Variants in SDK2 observed in about 807,000 individuals in gnomAD.
The protein encoded by SDK2 is protein sidekick-2.
Under a neutral mutation model 253.9 loss-of-function variants are expected in SDK2, and 105 were observed. The observed-to-expected ratio is 0.41, with a 90% CI of 0.35 to 0.49. The LOEUF is 0.49. SDK2 is among the 20% of genes least tolerant of loss of function. SDK2 has a pLI of 0.06. For synonymous variants in SDK2, 1,249 were observed against 1,234.9 expected (o/e 1.01, Z -0.24); for missense variants, 2,608 against 3,003.0 (o/e 0.87, Z 3.07).
intron 1 of SDK2, among the ~76,000 whole-genome samples, chr17:73,589,521 C>A (rs1264194448): frequency 2.6e-5 from 4 of 152,212 alleles, no homozygotes; most frequent in South Asian, 4.1e-4. Context: ...TGAAGCTTGG[C>A]CAAGCTGCTT....
At chr17:73,381,414 CAA>C (rs879356942) in intron 33 of SDK2, among the ~76,000 whole-genome samples, 4 of 137,906 alleles carry the variant, frequency 2.9e-5, no homozygotes, top group Admixed American at 7.3e-5. Context: ...CACATATGGG[CAA>C]AAAAAAAAAG....
At chr17:73,441,348 C>T (rs1055668902) in intron 5 of SDK2, among the ~76,000 whole-genome samples, 59 of 152,274 alleles carry the variant, frequency 3.9e-4, no homozygotes, top group Middle Eastern at 3.4e-3. Flanking sequence ...CGGCCCCCTC[C>T]CCCAACACAC....
rs115054273 is a variant in SDK2 at position 73,634,848 on chromosome 17, C to G, written c.64+9177G>C. Among the ~76,000 whole-genome samples, 849 of 152,324 alleles carry G rather than the reference C, an allele frequency of 5.6e-3. 8 individuals carry two copies. Among genetic ancestry groups the G allele is most frequent in the African/African-American group, 0.019 (805 of 41,568 alleles). On this transcript the variant is annotated intron_variant, in intron 1 of 44. Transcript: ENST00000392650. ...AAAGCTTAGCACAGCTCGTTAAACC[C>G]TGTCACAACCCAACTGTTATCCTCG...
chr17:73,387,832 T>A lies in SDK2; in HGVS notation c.4394+4A>T. ...GGGGATGCTGGCATGGACCCGAGCC[T>A]TACCTGTCCACAATGAAGCTGGAGG... On this transcript the variant is annotated splice_donor_region_variant and intron_variant, in intron 30 of 44. Transcript: ENST00000392650. The A allele has an allele frequency of 6.4e-7, 1 of 1,563,164 alleles. No homozygotes were observed. Among genetic ancestry groups the A allele is most frequent in the East Asian group, 2.4e-5 (1 of 42,274 alleles).
chr17:73,374,454 T>C (rs1481386210), intron 36 of SDK2, among the ~76,000 whole-genome samples: 2 of 140,952 alleles, frequency 1.4e-5, no homozygotes, highest in Non-Finnish European at 3.0e-5. Context: ...TCCCATTCCA[T>C]GTTCGATTTG....
chr17:73,383,755 TGGA>T lies in SDK2; in HGVS notation c.4705+118_4705+120del, dbSNP rs1484711768. On this transcript the variant is annotated intron_variant, in intron 33 of 44. Transcript: ENST00000392650. This position sits in a 1 kb window ranked among gnomAD's most constrained non-coding sequence, Gnocchi z 4.3. ...GGATGGGAGGAGGGAGAGGCACACA[TGGA>T]GGAGGGAGGCAAGGTTTCAGGTTAG... 6.4e-5 allele frequency: 76 copies of T among 1,186,716 alleles called. No individual in the cohort carries two copies. The highest frequency in any genetic ancestry group is 8.6e-5 in the Non-Finnish European group (71 of 826,116). The allele number at this position is 1,186,716 out of a possible 1,614,324, so 73.5% of individuals were successfully genotyped here.
intron 1 of SDK2, among the ~76,000 whole-genome samples, chr17:73,584,068 C>T (rs2045571891): frequency 6.6e-6 from 1 of 152,246 alleles, no homozygotes; most frequent in Non-Finnish European, 1.5e-5. Context: ...ACAAGGCCTT[C>T]TCTAGCAGTA....
chr17:73,540,651 T>C (rs2044854496), intron 1 of SDK2, among the ~76,000 whole-genome samples: 2 of 152,226 alleles, frequency 1.3e-5, no homozygotes, highest in South Asian at 4.1e-4. Flanking sequence ...GCTATGTCAC[T>C]TGCTTTCACC....
chr17:73,365,162 A>C, intron 38 of SDK2, 96 bp downstream of exon 38: 1 of 886,508 alleles, frequency 1.1e-6, no homozygotes, highest in Non-Finnish European at 1.6e-6. Flanking sequence ...CTCTCACCGA[A>C]TCTCACTCAT....
intron 1 of SDK2, among the ~76,000 whole-genome samples, chr17:73,602,949 T>C (rs2143069494): frequency 6.6e-6 from 1 of 152,230 alleles, no homozygotes; most frequent in Admixed American, 6.5e-5. Context: ...GGTCTCAAAC[T>C]CCTGACCTCA....
intron 1 of SDK2, among the ~76,000 whole-genome samples, chr17:73,614,901 A>G (rs973028768): frequency 3.9e-5 from 6 of 151,912 alleles, no homozygotes; most frequent in Admixed American, 3.9e-4. Flanking sequence ...GGGTGACAGC[A>G]TGGTTAGAAG....
chr17:73,621,686 A>G (rs1188909314), intron 1 of SDK2, among the ~76,000 whole-genome samples: 3 of 152,064 alleles, frequency 2.0e-5, no homozygotes, highest in Non-Finnish European at 2.9e-5. Context: ...AATTCACTGG[A>G]TGGGCTTAAC....
At chr17:73,488,396 G>A (rs1464006298) in intron 2 of SDK2, among the ~76,000 whole-genome samples, 1 of 152,202 alleles carries the variant, frequency 6.6e-6, no homozygotes, top group Non-Finnish European at 1.5e-5. Flanking sequence ...GTTCCACTGC[G>A]ATTGATATAT....
At position 73,501,119 on chromosome 17, in the gene SDK2, GC is replaced by G. The variant is rs547449075; in HGVS notation, c.224+6318del. 2.3e-3 allele frequency among the ~76,000 whole-genome samples: 356 copies of G among 152,288 alleles called. 2 individuals carry two copies. Among genetic ancestry groups the G allele is most frequent in the African/African-American group, 8.2e-3 (342 of 41,556 alleles). On this transcript the variant is annotated intron_variant, in intron 2 of 44. Transcript: ENST00000392650. ...AACACTAGAGGGCCTGACCTCTAGG[GC>G]TTTTATGTGAGTTGCACACACACCT...
intron 1 of SDK2, among the ~76,000 whole-genome samples, chr17:73,538,811 C>T (rs1414586322): frequency 2.0e-5 from 3 of 152,196 alleles, no homozygotes; most frequent in Admixed American, 6.5e-5. Flanking sequence ...GGAGTCCCAC[C>T]TTGGCCTCAG....
At chr17:73,526,351 A>AGG (rs1243107954) in intron 1 of SDK2, among the ~76,000 whole-genome samples, 22 of 152,304 alleles carry the variant, frequency 1.4e-4, no homozygotes, top group African/African-American at 5.3e-4. Context: ...TGGCTTTGCC[A>AGG]ATTAGGACCT....
intron 39 of SDK2, among the ~76,000 whole-genome samples, chr17:73,359,505 G>A (rs2062623221): frequency 6.6e-6 from 1 of 152,182 alleles, no homozygotes; most frequent in African/African-American, 2.4e-5. Context: ...TACTCATCCT[G>A]CACAGGACAG....
In SDK2 at chr17:73,338,323, T is replaced by TC. The variant is rs1327154613; in HGVS notation, c.*263dup. ...TGTCCATAGCAGTGACACAGCCACT[T>TC]CCCCAGCTCCGTGTAATTCCCAAGG... On this transcript the variant is annotated 3_prime_UTR_variant, in exon 45 of 45. Coordinates refer to ENST00000392650, the MANE Select transcript of SDK2 (RefSeq NM_001144952.2). The surrounding 1 kb of genome is among the most constrained non-coding windows in gnomAD (Gnocchi z 5.0). 1.6e-6 allele frequency: 1 copy of TC among 622,210 alleles called. No individual in the cohort carries two copies. The highest frequency in any genetic ancestry group is 2.1e-5 in the Admixed American group (1 of 47,364). 38.5% of individuals were successfully genotyped at this position (622,210 alleles called of 1,614,324 possible).
intron 38 of SDK2, among the ~76,000 whole-genome samples, chr17:73,364,842 G>A (rs975427405): frequency 1.1e-4 from 17 of 151,926 alleles, no homozygotes; most frequent in African/African-American, 4.1e-4. Context: ...GGCTGGTCTT[G>A]GAACTCCTGA....
Sources: allele counts gnomAD v4.1 joint callset (sites outside exome capture counted in the v4.1 genomes callset), GRCh38; gene constraint gnomAD v4.1.1; non-coding constraint Gnocchi (gnomAD v3.1); transcripts MANE v1.5; gene names NCBI Gene and HGNC (gene_info 2026-07-23, HGNC 2026-07-21).